Variants in RBPJ observed in about 807,000 individuals in gnomAD.
The protein encoded by RBPJ is recombining binding protein suppressor of hairless.
A neutral mutation model predicts 67.8 loss-of-function variants in RBPJ; 9 were observed. That is an observed-to-expected ratio of 0.13 (90% CI 0.08 to 0.23). The LOEUF (loss-of-function observed/expected upper bound fraction) is 0.23. RBPJ is among the 10% of genes least tolerant of loss of function. The pLI, the probability that RBPJ is intolerant of heterozygous loss-of-function variation, is 1.00. For missense variants in RBPJ, 305 were observed against 595.6 expected (o/e 0.51, Z 5.08); for synonymous variants, 198 against 203.3 (o/e 0.97, Z 0.22).
rs1375190076 is a variant in RBPJ, at chr4:26,433,862, G to T, written c.*2855G>T. On this transcript the variant is annotated 3_prime_UTR_variant, in exon 11 of 11. Transcript: ENST00000355476. ...CTCCAGTGATGGCATTATTAGACAT[G>T]CTGGTCATTTACCCTCAGAAAGACT... 1 of 152,138 alleles carries T rather than the reference G, an allele frequency of 6.6e-6. No individual in the cohort carries two copies. The highest frequency in any genetic ancestry group is 2.4e-5 in the African/African-American group (1 of 41,434). 9.4% of individuals were successfully genotyped at this position (152,138 alleles called of 1,614,324 possible). A position where few individuals can be genotyped will look rare whatever the true frequency, so the allele number is the denominator to read the frequency against.
At chr4:26,317,902 G>T (rs1359121326), upstream of RBPJ, among the ~76,000 whole-genome samples, 1 of 152,078 alleles carries the variant, frequency 6.6e-6, no homozygotes, top group Non-Finnish European at 1.5e-5. Context: ...AGGTCGCTGG[G>T]GCTCTCAGAA....
chr4:26,350,356 A>G (rs1726668383), intron 1 of RBPJ, among the ~76,000 whole-genome samples: 1 of 152,202 alleles, frequency 6.6e-6, no homozygotes, highest in Admixed American at 6.5e-5. Flanking sequence ...ACAGAAAAAT[A>G]CATTTTGGTT....
chr4:26,396,814 T>A (rs1732167624), intron 2 of RBPJ, among the ~76,000 whole-genome samples: 2 of 152,184 alleles, frequency 1.3e-5, no homozygotes, highest in Admixed American at 1.3e-4. Context: ...AAAGAGAGGA[T>A]TGAAGTGAGG....
Position 26,429,956 on chromosome 4 carries a change from C to A in RBPJ, c.947C>A (p.Thr316Lys). The change falls in exon 9 of 11, where the codon ACA becomes AAA. Residue 316 changes from threonine (T) to lysine (K), a missense_variant. This residue lies in a region of RBPJ where 66 missense variants were observed against 226.0 expected (regional missense o/e 0.29). Transcript: ENST00000355476. ...KEMINDGASW[T>K]IISTDKAEYT... is the part of the protein sequence containing the mutation. The stretch of plus-strand genomic sequence containing the variant: ...ATGATAAATGATGGCGCTTCCTGGA[C>A]AATCATTAGCACAGATAAGGCAGAG... 6.2e-7 allele frequency: 1 copy of A among 1,613,860 alleles called. No homozygotes were observed.
At chr4:26,275,675 G>T (rs1050723064) in intron 1 of RBPJ, among the ~76,000 whole-genome samples, 8 of 152,146 alleles carry the variant, frequency 5.3e-5, no homozygotes, top group Non-Finnish European at 1.2e-4. Flanking sequence ...ACTGTTGCCA[G>T]GCTGGAGTGC....
At chr4:26,319,647 G>A (rs1722815331), upstream of RBPJ, 1 of 622,382 alleles carries the variant, frequency 1.6e-6, no homozygotes, top group Non-Finnish European at 2.9e-6. Flanking sequence ...CGGCCGTGTT[G>A]TGTCTGAGCC....
At chr4:26,414,077 C>T (rs1422188841) in intron 3 of RBPJ, among the ~76,000 whole-genome samples, 1 of 151,918 alleles carries the variant, frequency 6.6e-6, no homozygotes, top group African/African-American at 2.4e-5. Flanking sequence ...ATTTTCTGTA[C>T]TAATAACAGT....
At chr4:26,428,588 A>G (rs545907288) in intron 7 of RBPJ, 132 bp from the exon 8 acceptor site, 2 of 623,958 alleles carry the variant, frequency 3.2e-6, no homozygotes, top group South Asian at 2.3e-5. Flanking sequence ...GTTTTTATAT[A>G]TGTAGGCATA....
intron 1 of RBPJ, chr4:26,367,912 C>T (rs1728787046): frequency 6.6e-6 from 1 of 152,166 alleles, no homozygotes; most frequent in Non-Finnish European, 1.5e-5. Context: ...TAAATTGTTT[C>T]ACAGCAGTGG....
At chr4:26,315,167 A>AAAAAAAAAATAT (rs1325689348), upstream of RBPJ, among the ~76,000 whole-genome samples, 11 of 74,764 alleles carry the variant, frequency 1.5e-4, no homozygotes, top group East Asian at 4.6e-4. Flanking sequence ...AAAAAAAAAA[A>AAAAAAAAAATAT]ATATATATAT....
chr4:26,279,578 T>A (rs1042339319), intron 1 of RBPJ, among the ~76,000 whole-genome samples: 5 of 151,968 alleles, frequency 3.3e-5, no homozygotes, highest in African/African-American at 1.2e-4. Flanking sequence ...GCCCGGCCTG[T>A]TTGATATTTT....
chr4:26,172,808 G>A (rs1387873710), intron 1 of RBPJ, among the ~76,000 whole-genome samples: 1 of 152,182 alleles, frequency 6.6e-6, no homozygotes, highest in African/African-American at 2.4e-5. Flanking sequence ...CTGAGGTTGA[G>A]AGAAGTCATG....
chr4:26,342,516 T>C (rs1440034781), intron 1 of RBPJ, among the ~76,000 whole-genome samples: 2 of 152,184 alleles, frequency 1.3e-5, no homozygotes, highest in Non-Finnish European at 2.9e-5. Flanking sequence ...CCTACTAGCA[T>C]TTCCCCTCCT....
At chr4:26,295,245 A>AGTGTGTGTGTGTGTGTGTGTGT (rs71932374) in intron 1 of RBPJ, among the ~76,000 whole-genome samples, 4 of 147,026 alleles carry the variant, frequency 2.7e-5, no homozygotes, top group African/African-American at 1.0e-4. Context: ...AGGGTGCATC[A>AGTGTGTGTGTGTGTGTGTGTGT]GTGTGTGTGT....
At chr4:26,407,883 C>CTTTTTTTTTTTTTTTTTTTTTTTTTT (rs61575988) in intron 3 of RBPJ, among the ~76,000 whole-genome samples, 1 of 63,622 alleles carries the variant, frequency 1.6e-5, no homozygotes, top group Non-Finnish European at 2.8e-5. Flanking sequence ...AGCTTTCTTT[C>CTTTTTTTTTTTTTTTTTTTTTTTTTT]TTTTTTTTTT....
intron 1 of RBPJ, among the ~76,000 whole-genome samples, chr4:26,232,207 T>C (rs1239612695): frequency 1.3e-5 from 2 of 152,200 alleles, no homozygotes; most frequent in African/African-American, 4.8e-5. Flanking sequence ...GTTGCTTTAT[T>C]TGTAAATGAA....
At chr4:26,355,631 C>T (rs1422187308) in intron 1 of RBPJ, among the ~76,000 whole-genome samples, 1 of 152,124 alleles carries the variant, frequency 6.6e-6, no homozygotes, top group African/African-American at 2.4e-5. Context: ...GAGCAAGACC[C>T]CATCTCTTAA....
chr4:26,122,276 C>T, the RBPJ span, among the ~76,000 whole-genome samples: 4 of 152,080 alleles, frequency 2.6e-5, no homozygotes, highest in Non-Finnish European at 5.9e-5. Context: ...TGATGTGAGT[C>T]CTGTCTTTGG....
the RBPJ span, among the ~76,000 whole-genome samples, chr4:26,118,371 A>G: frequency 1.3e-5 from 2 of 152,200 alleles, no homozygotes; most frequent in East Asian, 1.9e-4. Flanking sequence ...ATCATTCACC[A>G]GGTGAGGTAT....
Sources: gnomAD v4.1 joint callset for allele counts (sites outside exome capture counted in the v4.1 genomes callset) on GRCh38, gnomAD v4.1.1 for gene constraint, gnomAD v4.1.1 regional missense constraint, MANE v1.5 for transcripts, NCBI Gene and HGNC (gene_info 2026-07-23, HGNC 2026-07-21) for gene names.